Variants in NFASC observed in about 807,000 individuals in gnomAD.
NFASC encodes the protein neurofascin homolog.
In NFASC, 43 loss-of-function variants were observed where a neutral mutation model predicts 147.5. The observed-to-expected ratio is 0.29, with a 90% confidence interval of 0.23 to 0.38. NFASC has a LOEUF of 0.38. Among genes scored for constraint, NFASC ranks in the 10% least tolerant of loss-of-function variants. The probability of loss-of-function intolerance (pLI) is 1.00; values close to 1 mark genes in which losing one functional copy is unlikely to be tolerated. For synonymous variants in NFASC, 622 were observed against 665.5 expected (o/e 0.93, Z 1.01); for missense variants, 1,320 against 1,689.0 (o/e 0.78, Z 3.83).
chr1:204,936,201 TTTC>T (rs1265415650), intron 2 of NFASC, among the ~76,000 whole-genome samples: 3,951 of 129,182 alleles, frequency 0.031, 368 homozygotes, highest in African/African-American at 0.1. Context: ...TCTCTTTCTT[TTTC>T]TTTTTTTTTT....
rs2096390246 is a variant in NFASC, at chr1:205,020,113, T to G, written c.*3574T>G. The G allele has an allele frequency of 6.6e-6, 1 of 152,272 alleles. No individual in the cohort carries two copies. The highest frequency in any genetic ancestry group is 6.5e-5 in the Admixed American group (1 of 15,292). The allele number at this position is 152,272 out of a possible 1,614,324, so 9.4% of individuals were successfully genotyped here. On this transcript the variant is annotated 3_prime_UTR_variant, in exon 30 of 30. Transcript: ENST00000339876. ...GGTTGGAGACATCTGGTCCACCCCATTGCCCCTGCCCCTGGCAAGCCCTGA... is the reference window on the plus strand; with the variant it reads ...GGTTGGAGACATCTGGTCCACCCCAGTGCCCCTGCCCCTGGCAAGCCCTGA...
chr1:204,837,984 G>T (rs1055430952), intron 1 of NFASC, among the ~76,000 whole-genome samples: 2 of 152,152 alleles, frequency 1.3e-5, no homozygotes, highest in Non-Finnish European at 2.9e-5. Flanking sequence ...CTTTCATTAT[G>T]AAAATGCACA....
In NFASC at chr1:204,973,051, T is replaced by C. The variant is rs577468980; in HGVS notation, c.1136-225T>C. Among the ~76,000 whole-genome samples, 21 of 152,350 alleles carry C rather than the reference T, an allele frequency of 1.4e-4. 1 individual carries two copies. In the South Asian group the frequency reaches 4.4e-3, roughly 32 times the overall value. ...TAGGTAGGTCGAACAGGAATTCATA[T>C]TCCATACTCTAGGCTAGATTAGAAA... On this transcript the variant is annotated intron_variant, in intron 11 of 29. Coordinates refer to ENST00000339876, the MANE Select transcript of NFASC (RefSeq NM_001005388.3).
intron 1 of NFASC, among the ~76,000 whole-genome samples, chr1:204,902,421 A>G (rs1256897403): frequency 6.6e-6 from 1 of 152,276 alleles, no homozygotes; most frequent in Non-Finnish European, 1.5e-5. Context: ...AAAGACATTT[A>G]TGAGACAATT....
intron 1 of NFASC, among the ~76,000 whole-genome samples, chr1:204,855,153 C>T (rs1363109120): frequency 6.6e-6 from 1 of 152,250 alleles, no homozygotes; most frequent in Non-Finnish European, 1.5e-5. Context: ...GTGCTCTTCG[C>T]ACTATCAGAG....
chr1:204,904,012 T>C (rs2085225587), intron 1 of NFASC, among the ~76,000 whole-genome samples: 1 of 152,218 alleles, frequency 6.6e-6, no homozygotes, highest in Admixed American at 6.5e-5. Flanking sequence ...TGATTTTGGC[T>C]TTGCCACTCA....
At chr1:204,999,569 T>C (rs558538009) in intron 25 of NFASC, 1 of 152,322 alleles carries the variant, frequency 6.6e-6, no homozygotes, top group Non-Finnish European at 1.5e-5. Flanking sequence ...TGGCTTCAAG[T>C]GGCCAGTACA....
intron 1 of NFASC, among the ~76,000 whole-genome samples, chr1:204,895,076 T>C (rs2083135997): frequency 6.6e-6 from 1 of 152,228 alleles, no homozygotes; most frequent in Non-Finnish European, 1.5e-5. Context: ...TTAAAAAAAC[T>C]GAAAACCTCT....
Position 205,021,835 on chromosome 1 carries a change from G to A in NFASC, c.*5296G>A, listed in dbSNP as rs1241459525. On this transcript the variant is annotated 3_prime_UTR_variant, in exon 30 of 30. Transcript: ENST00000339876. The stretch of plus-strand genomic sequence containing the variant: ...GATCAGCCTGTGTGTGGTTCACCCA[G>A]TCATGCAATTAAGGGCAGATCTGGG... 6.5e-6 allele frequency: 1 copy of A among 152,878 alleles called. No homozygotes were observed. 9.5% of individuals were successfully genotyped at this position (152,878 alleles called of 1,614,324 possible).
chr1:204,978,729 G>C (rs979218111), intron 17 of NFASC, among the ~76,000 whole-genome samples: 23 of 151,734 alleles, frequency 1.5e-4, no homozygotes, highest in Admixed American at 1.2e-3. Context: ...TTATTTCCTT[G>C]TTCCACACCC....
At chr1:205,012,560 G>T (rs967057066) in intron 28 of NFASC, among the ~76,000 whole-genome samples, 4 of 152,186 alleles carry the variant, frequency 2.6e-5, no homozygotes, top group African/African-American at 9.7e-5. Context: ...GGAGATTTCA[G>T]TTGTCAGTAG....
chr1:205,012,993 G>A, intron 29 of NFASC, 127 bp downstream of exon 29: 1 of 702,316 alleles, frequency 1.4e-6, no homozygotes, highest in Non-Finnish European at 2.6e-6. Context: ...ATTGGGCTGT[G>A]ACTCTGCCTC....
chr1:204,999,042 A>G (rs969995502), intron 25 of NFASC: 1 of 152,230 alleles, frequency 6.6e-6, no homozygotes, highest in African/African-American at 2.4e-5. Flanking sequence ...CGTGCCTTAC[A>G]TCTTGGAAAA....
At position 204,974,774 on chromosome 1, in the gene NFASC, C is replaced by T. The variant is rs16854838; in HGVS notation, c.1509C>T (p.Ala503=). 4.6e-3 allele frequency: 7,485 copies of T among 1,614,212 alleles called. 235 individuals carry two copies. In the African/African-American group the frequency reaches 0.071, roughly 15 times the overall value. The change falls in exon 14 of 30, where the codon GCC becomes GCT. Residue 503 remains alanine (A), a synonymous_variant. Transcript: ENST00000339876. ...KEDQGIYTCV[A]TNILGKAENQ... is the part of the protein sequence containing the mutation. The stretch of plus-strand genomic sequence containing the variant: ...ACCAGGGCATCTACACCTGTGTCGC[C>T]ACCAACATCCTGGGCAAAGCTGAAA...
intron 1 of NFASC, among the ~76,000 whole-genome samples, chr1:204,889,505 T>G (rs1197440299): frequency 1.3e-5 from 2 of 152,228 alleles, no homozygotes; most frequent in African/African-American, 4.8e-5. Context: ...AAAATCCATA[T>G]TGGCTCAGAA....
chr1:204,940,727 C>T (rs2093307658), intron 2 of NFASC, among the ~76,000 whole-genome samples: 3 of 152,222 alleles, frequency 2.0e-5, no homozygotes, highest in African/African-American at 7.2e-5. Context: ...ATGGTTCTTT[C>T]ACCGAGCGTG....
rs770668440 is a variant in NFASC, at chr1:204,979,610, C to T, written c.2176+51C>T. 1 of 1,522,442 alleles carries T rather than the reference C, an allele frequency of 6.6e-7. No homozygotes were observed. Among genetic ancestry groups the T allele is most frequent in the Non-Finnish European group, 9.1e-7 (1 of 1,098,100 alleles). The allele number at this position is 1,522,442 out of a possible 1,614,324, so 94.3% of individuals were successfully genotyped here. Reference sequence around the variant, plus strand: ...AGGCTCCGGAACCCCGCACCCCAAACTCACACTGAGATCCCCCCATTCCCA... The same window carrying T: ...AGGCTCCGGAACCCCGCACCCCAAATTCACACTGAGATCCCCCCATTCCCA... On this transcript the variant is annotated intron_variant, in intron 19 of 29. Coordinates refer to ENST00000339876, the MANE Select transcript of NFASC (RefSeq NM_001005388.3). This position sits in a 1 kb window ranked among gnomAD's most constrained non-coding sequence, Gnocchi z 6.0.
At chr1:204,991,086 G>A (rs1363243844) in intron 23 of NFASC, among the ~76,000 whole-genome samples, 2 of 152,244 alleles carry the variant, frequency 1.3e-5, no homozygotes. Context: ...GAACATGCCT[G>A]ACTCAGGTGG....
At chr1:204,916,207 T>C (rs553221838) in intron 1 of NFASC, among the ~76,000 whole-genome samples, 1 of 152,298 alleles carries the variant, frequency 6.6e-6, no homozygotes, top group South Asian at 2.1e-4. Flanking sequence ...TTCTTGCAAA[T>C]TGGAAGATAT....
Sources: gnomAD v4.1 joint callset for allele counts (sites outside exome capture counted in the v4.1 genomes callset) on GRCh38, gnomAD v4.1.1 for gene constraint, Gnocchi (gnomAD v3.1) non-coding constraint, MANE v1.5 for transcripts, NCBI Gene and HGNC (gene_info 2026-07-23, HGNC 2026-07-21) for gene names.